Variants in ROBO1 observed in about 807,000 individuals in gnomAD.
ROBO1 encodes the protein roundabout guidance receptor 1.
In ROBO1, 149 loss-of-function variants were observed where a neutral mutation model predicts 195.9. The ratio of observed to expected loss-of-function variants is 0.76; its 90% CI spans 0.67 to 0.87. The LOEUF is 0.87. Among genes scored for constraint, ROBO1 ranks in the 40% least tolerant of loss-of-function variants. The pLI, the probability that ROBO1 is intolerant of heterozygous loss-of-function variation, is 0.00. For synonymous variants in ROBO1, 816 were observed against 733.2 expected (o/e 1.11, Z -1.82); for missense variants, 1,933 against 2,068.3 (o/e 0.93, Z 1.27).
In ROBO1 at chr3:78,685,834, G is replaced by T. The variant is rs368513979; in HGVS notation, c.1254C>A (p.Val418=). ...SQTGDLTITN[V]QRSDVGYYIC... is the part of the protein sequence containing the mutation. ...TGTAATAACCAACATCAGATCGCTG[G>T]ACATTAGTAATTGTGAGGTCGCCAG... is the stretch of plus-strand genomic sequence containing the variant. Residue 418 remains valine (V), a synonymous_variant, in exon 10 of 31, where the codon GTC becomes GTA. Transcript: ENST00000464233. The T allele has an allele frequency of 2.5e-6, 4 of 1,611,468 alleles. No homozygotes were observed. Among genetic ancestry groups the T allele is most frequent in the Non-Finnish European group, 3.4e-6 (4 of 1,178,432 alleles).
At chr3:79,163,796 G>A (rs1352429411) in intron 2 of ROBO1, among the ~76,000 whole-genome samples, 2 of 152,026 alleles carry the variant, frequency 1.3e-5, no homozygotes, top group Non-Finnish European at 2.9e-5. Flanking sequence ...ATCCTATTTA[G>A]AAAAGTACAA....
intron 10 of ROBO1, among the ~76,000 whole-genome samples, chr3:78,678,860 G>A (rs1200902426): frequency 6.6e-6 from 1 of 152,082 alleles, no homozygotes; most frequent in Non-Finnish European, 1.5e-5. Context: ...AAGCCGGGCA[G>A]AGACACAACC....
intron 3 of ROBO1, among the ~76,000 whole-genome samples, chr3:78,991,778 A>C (rs2077244034): frequency 6.6e-6 from 1 of 152,162 alleles, no homozygotes; most frequent in African/African-American, 2.4e-5. Flanking sequence ...GGATTATCAG[A>C]CATACGAGAA....
chr3:79,456,268 G>C (rs970246418), intron 2 of ROBO1, among the ~76,000 whole-genome samples: 3 of 152,050 alleles, frequency 2.0e-5, no homozygotes, highest in African/African-American at 7.2e-5. Context: ...AAAGATTTTT[G>C]GTGATGAAAT....
At chr3:79,589,789 G>T in intron 2 of ROBO1, 35 bp downstream of exon 2, 1 of 1,468,086 alleles carries the variant, frequency 6.8e-7, no homozygotes. Context: ...GGGAATACTG[G>T]TTAAGTATTG....
intron 2 of ROBO1, among the ~76,000 whole-genome samples, chr3:79,285,741 C>T (rs1040370725): frequency 3.3e-5 from 5 of 152,104 alleles, no homozygotes; most frequent in African/African-American, 1.2e-4. Context: ...CTCAATAACT[C>T]TACACATATA....
At chr3:78,648,088 T>A (rs1706411116) in intron 19 of ROBO1, among the ~76,000 whole-genome samples, 2 of 151,306 alleles carry the variant, frequency 1.3e-5, no homozygotes, top group Non-Finnish European at 2.9e-5. Context: ...AACTACTAGG[T>A]GCACTTATGT....
At chr3:79,345,631 TGC>T (rs1320528388) in intron 2 of ROBO1, among the ~76,000 whole-genome samples, 2 of 152,152 alleles carry the variant, frequency 1.3e-5, no homozygotes, top group African/African-American at 4.8e-5. Context: ...ACACCGTTTT[TGC>T]TTTCACTTGA....
chr3:79,600,184 T>G (rs1419640411), intron 1 of ROBO1, among the ~76,000 whole-genome samples: 1 of 152,032 alleles, frequency 6.6e-6, no homozygotes, highest in African/African-American at 2.4e-5. Flanking sequence ...CTAGCTAAAG[T>G]GAATTCAGTT....
At chr3:78,909,870 T>G (rs915712471) in intron 4 of ROBO1, among the ~76,000 whole-genome samples, 3 of 151,778 alleles carry the variant, frequency 2.0e-5, no homozygotes, top group Non-Finnish European at 4.4e-5. Flanking sequence ...ATAATTTTAA[T>G]AACCATGAAT....
intron 8 of ROBO1, among the ~76,000 whole-genome samples, chr3:78,693,857 T>G (rs1462556922): frequency 2.0e-5 from 3 of 152,182 alleles, no homozygotes; most frequent in Admixed American, 6.5e-5. Context: ...TCCATGCTTC[T>G]CATACGCAAA....
chr3:79,529,202 G>T (rs1354989718), intron 2 of ROBO1, among the ~76,000 whole-genome samples: 2 of 152,092 alleles, frequency 1.3e-5, no homozygotes, highest in African/African-American at 4.8e-5. Context: ...AAAAATTCAG[G>T]CCAGGTACAG....
rs185274375 is a variant in ROBO1, at chr3:79,702,084, A to G, written c.-51+65668T>C. Among the ~76,000 whole-genome samples the G allele has an allele frequency of 4.2e-3, 642 of 151,910 alleles. 3 individuals carry two copies. The highest frequency in any genetic ancestry group is 8.0e-3 in the Non-Finnish European group (543 of 67,872). On this transcript the variant is annotated intron_variant, in intron 1 of 30. Coordinates refer to ENST00000464233, the MANE Select transcript of ROBO1 (RefSeq NM_002941.4). ...TTATATTGCACACAAATAAAACTAAATATCATCAGGTAAATATCATCGTTG... is the reference window on the plus strand; with the variant it reads ...TTATATTGCACACAAATAAAACTAAGTATCATCAGGTAAATATCATCGTTG...
intron 2 of ROBO1, among the ~76,000 whole-genome samples, chr3:79,265,958 G>A (rs1403033630): frequency 6.6e-6 from 1 of 151,124 alleles, no homozygotes; most frequent in Non-Finnish European, 1.5e-5. Flanking sequence ...AGAAAACAAA[G>A]TATCAAAAAA....
chr3:79,107,127 T>TCTCTCTCCCCCCCCCCC (rs1370578718), intron 3 of ROBO1, among the ~76,000 whole-genome samples: 8 of 136,450 alleles, frequency 5.9e-5, no homozygotes, highest in African/African-American at 2.1e-4. Flanking sequence ...TCTCTCTCTC[T>TCTCTCTCCCCCCCCCCC]CACACACACA....
chr3:79,643,829 G>A (rs906354587), intron 1 of ROBO1, among the ~76,000 whole-genome samples: 1 of 152,034 alleles, frequency 6.6e-6, no homozygotes, highest in African/African-American at 2.4e-5. Context: ...AAGAGAGGAG[G>A]CATGCACAAA....
chr3:79,220,752 T>A (rs1032408451), intron 2 of ROBO1, among the ~76,000 whole-genome samples: 1 of 152,058 alleles, frequency 6.6e-6, no homozygotes, highest in East Asian at 1.9e-4. Context: ...CTCCTTTGCC[T>A]CCTTATGTGA....
At chr3:79,529,810 T>G (rs1941576774) in intron 2 of ROBO1, among the ~76,000 whole-genome samples, 1 of 152,214 alleles carries the variant, frequency 6.6e-6, no homozygotes, top group Non-Finnish European at 1.5e-5. Flanking sequence ...AAAACAGCCT[T>G]CAACATTTCT....
At chr3:79,270,380 C>G (rs1036151797) in intron 2 of ROBO1, among the ~76,000 whole-genome samples, 1 of 151,528 alleles carries the variant, frequency 6.6e-6, no homozygotes, top group African/African-American at 2.4e-5. Flanking sequence ...ATTGGTATGC[C>G]TGGGGAAGAA....
Sources: allele counts gnomAD v4.1 joint callset (sites outside exome capture counted in the v4.1 genomes callset), GRCh38; gene constraint gnomAD v4.1.1; transcripts MANE v1.5; gene names NCBI Gene and HGNC (gene_info 2026-07-23, HGNC 2026-07-21).